ZNF555: variants seen among roughly 807,000 people sequenced by gnomAD.
ZNF555 encodes the protein zinc finger protein 555.
In ZNF555, 10 loss-of-function variants were observed where a neutral mutation model predicts 14.0. The ratio of observed to expected loss-of-function variants is 0.72; its 90% CI spans 0.44 to 1.21. ZNF555 has a LOEUF of 1.21. Among genes scored for constraint, ZNF555 ranks in the 50% most tolerant of loss-of-function variants. The pLI, the probability that ZNF555 is intolerant of heterozygous loss-of-function variation, is 0.00. For synonymous variants in ZNF555, 277 were observed against 262.4 expected (o/e 1.06, Z -0.54); for missense variants, 747 against 762.0 (o/e 0.98, Z 0.23).
At chr19:2,841,613 G>C in intron 1 of ZNF555, 38 bp downstream of exon 1, 2 of 1,468,784 alleles carry the variant, frequency 1.4e-6, no homozygotes, top group East Asian at 5.9e-5. Flanking sequence ...GTGCGGGGCA[G>C]CAGGAACCGG....
chr19:2,841,930 C>T (rs2087540402), intron 1 of ZNF555, among the ~76,000 whole-genome samples: 1 of 151,726 alleles, frequency 6.6e-6, no homozygotes, highest in African/African-American at 2.4e-5. Context: ...GCTGCGGCTT[C>T]GGGACCCCCG....
chr19:2,852,765 G>T lies in ZNF555; in HGVS notation c.700G>T (p.Gly234Trp). 6.2e-7 allele frequency: 1 copy of T among 1,614,142 alleles called. No homozygotes were observed. Among genetic ancestry groups the T allele is most frequent in the Non-Finnish European group, 8.5e-7 (1 of 1,180,012 alleles). ...GAAAACCTACGAATGTAAGCAATGT[G>T]GGAAAGCCTTTATTGACTTCTCAAG... ...AEKTYECKQCGKAFIDFSSLT... is the reference protein window; with the variant it reads ...AEKTYECKQCWKAFIDFSSLT... Residue 234 changes from glycine (G) to tryptophan (W), a missense_variant, in exon 4 of 4, where the codon GGG becomes TGG. Physicochemically the swap from Gly to Trp is radical, Grantham distance 184. Coordinates refer to ENST00000334241, the MANE Select transcript of ZNF555 (RefSeq NM_152791.5).
At chr19:2,849,471 T>C (rs993159876) in intron 1 of ZNF555, among the ~76,000 whole-genome samples, 1 of 149,656 alleles carries the variant, frequency 6.7e-6, no homozygotes, top group African/African-American at 2.5e-5. Context: ...ATCCTTAAGG[T>C]TAGCAATAAT....
At chr19:2,845,563 C>CTT (rs2087575398) in intron 1 of ZNF555, among the ~76,000 whole-genome samples, 1 of 152,182 alleles carries the variant, frequency 6.6e-6, no homozygotes, top group African/African-American at 2.4e-5. Flanking sequence ...GTTGTACTAA[C>CTT]TTACATTCCC....
chr19:2,846,559 A>G (rs4806877), intron 1 of ZNF555, among the ~76,000 whole-genome samples: 66,071 of 152,054 alleles, frequency 0.43, 14,764 homozygotes, highest in East Asian at 0.67. Flanking sequence ...TCAGGTCAGC[A>G]TAGTGAAGGC....
chr19:2,858,009 C>T lies in ZNF555; in HGVS notation c.*4057C>T, dbSNP rs2873342. 52,294 of 152,102 alleles carry T rather than the reference C, an allele frequency of 0.34. 10,449 individuals are homozygous for T. Among genetic ancestry groups the T allele is most frequent in the East Asian group, 0.67 (3,464 of 5,162 alleles). 9.4% of individuals were successfully genotyped at this position (152,102 alleles called of 1,614,324 possible). A position where few individuals can be genotyped will look rare whatever the true frequency, so the allele number is the denominator to read the frequency against. On this transcript the variant is annotated 3_prime_UTR_variant, in exon 4 of 4. Transcript: ENST00000334241. Reference sequence around the variant, plus strand: ...CTAGACACCAGTCTGGGCAACATAGCGAGACCTCAACTCTACCAAAAAATT... The same window carrying T: ...CTAGACACCAGTCTGGGCAACATAGTGAGACCTCAACTCTACCAAAAAATT...
chr19:2,851,488 G>T lies in ZNF555; in HGVS notation c.151G>T (p.Ala51Ser), dbSNP rs1204199573. The stretch of plus-strand genomic sequence containing the variant: ...TTCAGATGATGAAACTCAATTTAAG[G>T]CCAGTGGGTCAGTTTCTCAGCAGGA... Reference protein sequence around the residue: ...ASVDDETQFKASGSVSQQDIY... With the variant: ...ASVDDETQFKSSGSVSQQDIY... Residue 51 changes from alanine (A) to serine (S), a missense_variant, in exon 3 of 4, where the codon GCC becomes TCC. Ala to Ser is a moderately conservative substitution (Grantham distance 99). Transcript: ENST00000334241. The T allele has an allele frequency of 8.2e-6, 13 of 1,584,574 alleles. No homozygotes were observed. In the South Asian group the frequency reaches 9.3e-5, roughly 11 times the overall value.
In ZNF555 at chr19:2,857,340, GGCTTAACCTGT is replaced by G. The variant is rs1355971242; in HGVS notation, c.*3398_*3408del. On this transcript the variant is annotated 3_prime_UTR_variant, in exon 4 of 4. Coordinates refer to ENST00000334241, the MANE Select transcript of ZNF555 (RefSeq NM_152791.5). ...TCATGATGATGGAATCAAGTTTGAA[GGCTTAACCTGT>G]GCTTAACCTATATTGGGCATTGTCA... is the stretch of plus-strand genomic sequence containing the variant. The G allele has an allele frequency of 1.3e-5, 2 of 152,138 alleles. No homozygotes were observed. Among genetic ancestry groups the G allele is most frequent in the African/African-American group, 4.8e-5 (2 of 41,426 alleles). 9.4% of individuals were successfully genotyped at this position (152,138 alleles called of 1,614,324 possible).
chr19:2,846,607 T>C (rs1281667860), intron 1 of ZNF555, among the ~76,000 whole-genome samples: 1 of 152,228 alleles, frequency 6.6e-6, no homozygotes, highest in Non-Finnish European at 1.5e-5. Flanking sequence ...GAATTAGCAG[T>C]GGGCAGTGTC....
intron 2 of ZNF555, among the ~76,000 whole-genome samples, chr19:2,850,999 A>AT (rs10713167): frequency 0.18 from 24,739 of 136,694 alleles, 2,706 homozygotes; most frequent in African/African-American, 0.31. Flanking sequence ...TGAAAATTTG[A>AT]TTTTTTTTTT....
At chr19:2,852,019 C>T (rs1237471025) in intron 3 of ZNF555, among the ~76,000 whole-genome samples, 6 of 151,984 alleles carry the variant, frequency 3.9e-5, no homozygotes, top group Non-Finnish European at 5.9e-5. Context: ...GGCATGGTGC[C>T]GCAGGCCTGT....
chr19:2,846,771 C>T (rs1316835227), intron 1 of ZNF555, among the ~76,000 whole-genome samples: 3 of 152,190 alleles, frequency 2.0e-5, no homozygotes, highest in Non-Finnish European at 4.4e-5. Context: ...GTTTCCTAAG[C>T]GCTTTTGGTC....
Position 2,856,064 on chromosome 19 carries a change from T to TA in ZNF555, c.*2113dup, listed in dbSNP as rs1292674061. 4 of 152,324 alleles carry TA rather than the reference T, an allele frequency of 2.6e-5. No homozygotes were observed. The highest frequency in any genetic ancestry group is 9.6e-5 in the African/African-American group (4 of 41,570). The allele number at this position is 152,324 out of a possible 1,614,324, so 9.4% of individuals were successfully genotyped here. On this transcript the variant is annotated 3_prime_UTR_variant, in exon 4 of 4. Coordinates refer to ENST00000334241, the MANE Select transcript of ZNF555 (RefSeq NM_152791.5). ...GTTATTTTTTGTTTACCGAGAGAAT[T>TA]ACAGATTTCAAATCAACTTTGTAAT...
Position 2,854,218 on chromosome 19 carries a change from A to G in ZNF555, c.*266A>G, listed in dbSNP as rs1254223021. ...ACTGACTTAGTGTGACAGGTATTGGATATTACGTATCTATTATATTTTCCA... is the reference window on the plus strand; with the variant it reads ...ACTGACTTAGTGTGACAGGTATTGGGTATTACGTATCTATTATATTTTCCA... On this transcript the variant is annotated 3_prime_UTR_variant, in exon 4 of 4. Coordinates refer to ENST00000334241, the MANE Select transcript of ZNF555 (RefSeq NM_152791.5). 2.4e-6 allele frequency: 1 copy of G among 422,584 alleles called. No homozygotes were observed. Among genetic ancestry groups the G allele is most frequent in the East Asian group, 4.7e-5 (1 of 21,200 alleles). 26.2% of individuals were successfully genotyped at this position (422,584 alleles called of 1,614,324 possible).
rs954104239 is a variant in ZNF555 at position 2,841,505 on chromosome 19, A to G, written c.-68A>G. The stretch of plus-strand genomic sequence containing the variant: ...AGCCGTGAGTGCCCCGCCTGCCCCT[A>G]GCGGTCCCTGGCGTCCCGGTTCCTG... On this transcript the variant is annotated 5_prime_UTR_variant, in exon 1 of 4. Coordinates refer to ENST00000334241, the MANE Select transcript of ZNF555 (RefSeq NM_152791.5). 8 of 1,544,342 alleles carry G rather than the reference A, an allele frequency of 5.2e-6. No individual in the cohort carries two copies. In the East Asian group the frequency reaches 1.8e-4, roughly 34 times the overall value.
rs1383769299 is a variant in ZNF555, at chr19:2,859,156, G to C, written c.*5204G>C. ...TTCCCAGGATGCAACACGGGCTCGC[G>C]TCTAAAAGAGCTGTGCTTTGTTGGG... is the stretch of plus-strand genomic sequence containing the variant. On this transcript the variant is annotated 3_prime_UTR_variant, in exon 4 of 4. Transcript: ENST00000334241. The C allele has an allele frequency of 6.6e-6, 1 of 152,248 alleles. No individual in the cohort carries two copies. The highest frequency in any genetic ancestry group is 2.1e-4 in the South Asian group (1 of 4,834). The allele number at this position is 152,248 out of a possible 1,614,324, so 9.4% of individuals were successfully genotyped here. A position where few individuals can be genotyped will look rare whatever the true frequency, so the allele number is the denominator to read the frequency against.
chr19:2,849,936 C>T (rs531303657), intron 1 of ZNF555, among the ~76,000 whole-genome samples: 2 of 152,232 alleles, frequency 1.3e-5, no homozygotes, highest in African/African-American at 2.4e-5. Flanking sequence ...GTTGGGCTTC[C>T]GTCACTGAGG....
Position 2,853,423 on chromosome 19 carries a change from A to T in ZNF555, c.1358A>T (p.Glu453Val), listed in dbSNP as rs2087654267. The change falls in exon 4 of 4, where the codon GAA (glutamate) becomes GTA (valine). Residue 453 changes from glutamate (E) to valine (V), a missense_variant. Physicochemically the swap from Glu to Val is moderately radical, Grantham distance 121. Transcript: ENST00000334241. ...ACACATACTAGAGAGAAACCCTATG[A>T]ATGTAAGCAGTGTGGGAAAGCCTTC... ...MRTHTREKPY[E>V]CKQCGKAFSL... is the part of the protein sequence containing the mutation. 6.2e-7 allele frequency: 1 copy of T among 1,614,068 alleles called. No individual in the cohort carries two copies. Among genetic ancestry groups the T allele is most frequent in the Non-Finnish European group, 8.5e-7 (1 of 1,180,022 alleles).
intron 1 of ZNF555, among the ~76,000 whole-genome samples, chr19:2,842,020 G>A (rs2087541259): frequency 6.6e-6 from 1 of 151,972 alleles, no homozygotes; most frequent in Admixed American, 6.5e-5. Flanking sequence ...CCGACGCCGC[G>A]GTGCCTCCTG....
Sources: allele counts gnomAD v4.1 joint callset (sites outside exome capture counted in the v4.1 genomes callset), GRCh38; gene constraint gnomAD v4.1.1; transcripts MANE v1.5; gene names NCBI Gene and HGNC (gene_info 2026-07-23, HGNC 2026-07-21).